EYA4: variants seen among roughly 807,000 people sequenced by gnomAD.
EYA4 encodes the protein protein phosphatase EYA4.
In EYA4, 31 loss-of-function variants were observed where a neutral mutation model predicts 87.9. That is an observed-to-expected ratio of 0.35 (90% CI 0.27 to 0.48). The LOEUF (loss-of-function observed/expected upper bound fraction) is 0.48. Among genes scored for constraint, EYA4 ranks in the 20% least tolerant of loss-of-function variants. The probability of loss-of-function intolerance (pLI) is 0.99; values close to 1 mark genes in which losing one functional copy is unlikely to be tolerated. For synonymous variants in EYA4, 263 were observed against 270.6 expected (o/e 0.97, Z 0.28); for missense variants, 678 against 761.4 (o/e 0.89, Z 1.29).
At chr6:133,308,315 C>T (rs1779961972) in intron 2 of EYA4, among the ~76,000 whole-genome samples, 1 of 152,078 alleles carries the variant, frequency 6.6e-6, no homozygotes, top group African/African-American at 2.4e-5. Flanking sequence ...AAATAACTCA[C>T]CCAAATCACA....
chr6:133,326,446 T>A (rs1477317878), intron 2 of EYA4, among the ~76,000 whole-genome samples: 2 of 152,128 alleles, frequency 1.3e-5, no homozygotes, highest in African/African-American at 2.4e-5. Context: ...CTGAAAAAAA[T>A]TGGAAATCTG....
intron 12 of EYA4, among the ~76,000 whole-genome samples, chr6:133,482,535 T>C (rs191967461): frequency 5.3e-5 from 8 of 152,354 alleles, no homozygotes; most frequent in Admixed American, 4.6e-4. Context: ...TAATTCATAA[T>C]TTGAAATCCT....
intron 5 of EYA4, among the ~76,000 whole-genome samples, chr6:133,451,051 C>T (rs1793392967): frequency 6.6e-6 from 1 of 152,096 alleles, no homozygotes; most frequent in Non-Finnish European, 1.5e-5. Context: ...GCAAGCATAC[C>T]TTAGCAAATA....
intron 13 of EYA4, among the ~76,000 whole-genome samples, chr6:133,492,642 A>G (rs1283498962): frequency 6.6e-6 from 1 of 152,236 alleles, no homozygotes; most frequent in Non-Finnish European, 1.5e-5. Flanking sequence ...ATGGCATCCA[A>G]TTTGGAAAGG....
At chr6:133,481,215 A>G (rs1387690412) in intron 11 of EYA4, among the ~76,000 whole-genome samples, 1 of 152,204 alleles carries the variant, frequency 6.6e-6, no homozygotes, top group Non-Finnish European at 1.5e-5. Flanking sequence ...AGGTATAGAC[A>G]GGAAGTTGAA....
intron 1 of EYA4, among the ~76,000 whole-genome samples, chr6:133,261,829 A>C (rs1209210101): frequency 6.6e-6 from 1 of 152,230 alleles, no homozygotes; most frequent in Admixed American, 6.5e-5. Context: ...CTAGCAAGCA[A>C]AGTGGTCTGT....
At chr6:133,350,866 T>A (rs1488687364) in intron 2 of EYA4, among the ~76,000 whole-genome samples, 3 of 152,120 alleles carry the variant, frequency 2.0e-5, no homozygotes, top group Non-Finnish European at 4.4e-5. Flanking sequence ...TTTGTTATAT[T>A]CATGTCTTCA....
At chr6:133,381,926 T>C (rs534230163) in intron 2 of EYA4, among the ~76,000 whole-genome samples, 3 of 152,238 alleles carry the variant, frequency 2.0e-5, no homozygotes, top group East Asian at 3.9e-4. Flanking sequence ...GAGACATATA[T>C]AAAACATACA....
intron 2 of EYA4, among the ~76,000 whole-genome samples, chr6:133,295,544 A>G (rs552249725): frequency 6.6e-6 from 1 of 152,242 alleles, no homozygotes; most frequent in Non-Finnish European, 1.5e-5. Context: ...CAGTGATTAT[A>G]TATGACATAA....
chr6:133,348,767 C>A (rs1267632868), intron 2 of EYA4, among the ~76,000 whole-genome samples: 1 of 152,066 alleles, frequency 6.6e-6, no homozygotes, highest in African/African-American at 2.4e-5. Flanking sequence ...ATCTTTATTG[C>A]TACCAACCTA....
rs1175688511 is a variant in EYA4 at position 133,529,771 on chromosome 6, A to G, written c.*966A>G. 25 of 985,044 alleles carry G rather than the reference A, an allele frequency of 2.5e-5. No homozygotes were observed. The highest frequency in any genetic ancestry group is 2.9e-5 in the Non-Finnish European group (24 of 829,688). The allele number at this position is 985,044 out of a possible 1,614,324, so 61.0% of individuals were successfully genotyped here. ...GAAAGACTGTGGGACCTTTACTTAG[A>G]AAGTGAAATGTATGTAGAAGTCTCA... On this transcript the variant is annotated 3_prime_UTR_variant, in exon 20 of 20. Coordinates refer to ENST00000355286, the MANE Select transcript of EYA4 (RefSeq NM_004100.5).
intron 13 of EYA4, chr6:133,502,587 T>C (rs1292500134): frequency 6.6e-6 from 1 of 152,264 alleles, no homozygotes; most frequent in East Asian, 1.9e-4. Context: ...CCAGTCATCT[T>C]TCTGGGATTC....
At chr6:133,288,667 A>T (rs1198572531) in intron 2 of EYA4, among the ~76,000 whole-genome samples, 1 of 152,010 alleles carries the variant, frequency 6.6e-6, no homozygotes, top group Admixed American at 6.5e-5. Flanking sequence ...TTAAGGGGAG[A>T]TGGTATCTGA....
chr6:133,380,587 C>G (rs951324896), intron 2 of EYA4, among the ~76,000 whole-genome samples: 2 of 152,106 alleles, frequency 1.3e-5, no homozygotes, highest in African/African-American at 2.4e-5. Context: ...TGACATTCAC[C>G]TGGGGATAAT....
At chr6:133,395,993 G>T (rs1422970743) in intron 3 of EYA4, among the ~76,000 whole-genome samples, 1 of 152,112 alleles carries the variant, frequency 6.6e-6, no homozygotes, top group Non-Finnish European at 1.5e-5. Context: ...TAATAATCAA[G>T]AATTTCCCTT....
chr6:133,490,402 A>AT (rs397689166), intron 13 of EYA4, among the ~76,000 whole-genome samples: 1 of 151,878 alleles, frequency 6.6e-6, no homozygotes, highest in Non-Finnish European at 1.5e-5. Flanking sequence ...ACAAAAAAAA[A>AT]CAAAAAACCG....
At chr6:133,481,727 A>G in intron 12 of EYA4, 128 bp downstream of exon 12, 7 of 1,013,702 alleles carry the variant, frequency 6.9e-6, no homozygotes, top group Non-Finnish European at 1.1e-5. Flanking sequence ...GAATGGAACT[A>G]CTTTGTGATA....
chr6:133,321,332 G>T (rs1781074229), intron 2 of EYA4, among the ~76,000 whole-genome samples: 1 of 151,992 alleles, frequency 6.6e-6, no homozygotes, highest in Non-Finnish European at 1.5e-5. Flanking sequence ...TCTCCAAATA[G>T]GGTTGCCTTG....
At chr6:133,356,504 A>G (rs953369167) in intron 2 of EYA4, among the ~76,000 whole-genome samples, 7 of 152,104 alleles carry the variant, frequency 4.6e-5, no homozygotes, top group African/African-American at 7.2e-5. Context: ...TTCTGAGGTT[A>G]TTATTTATTA....
Sources: gnomAD v4.1 joint callset for allele counts (sites outside exome capture counted in the v4.1 genomes callset) on GRCh38, gnomAD v4.1.1 for gene constraint, MANE v1.5 for transcripts, NCBI Gene and HGNC (gene_info 2026-07-23, HGNC 2026-07-21) for gene names.